Variants in METTL15 observed in about 807,000 individuals in gnomAD.
METTL15 encodes the protein 12S rRNA N(4)-cytidine methyltransferase METTL15.
METTL15 carries 34 observed loss-of-function variants against 38.3 expected under a neutral mutation model. The observed-to-expected ratio is 0.89, with a 90% confidence interval of 0.68 to 1.18. The LOEUF is 1.18. Among genes scored for constraint, METTL15 ranks in the 50% most tolerant of loss-of-function variants. The pLI is 0.00. For synonymous variants in METTL15, 162 were observed against 170.9 expected (o/e 0.95, Z 0.41); for missense variants, 438 against 498.4 (o/e 0.88, Z 1.15).
intron 5 of METTL15, among the ~76,000 whole-genome samples, chr11:28,370,223 T>C (rs996411404): frequency 1.3e-5 from 2 of 151,990 alleles, no homozygotes; most frequent in Admixed American, 1.3e-4. Flanking sequence ...CCATCTCCCC[T>C]ACCTTTCTTG....
intron 3 of METTL15, chr11:28,123,732 T>C: frequency 7.9e-6 from 4 of 504,836 alleles, no homozygotes; most frequent in Non-Finnish European, 1.4e-5. Flanking sequence ...AATTACATGC[T>C]AATTTAGGCA....
At chr11:28,518,137 C>T (rs1315230389) in intron 6 of METTL15, among the ~76,000 whole-genome samples, 1 of 152,050 alleles carries the variant, frequency 6.6e-6, no homozygotes, top group East Asian at 1.9e-4. Flanking sequence ...AAAATGAAAG[C>T]CAAAATCACT....
In METTL15 at chr11:28,331,604, T is replaced by A. The variant is rs1206985290; in HGVS notation, c.*763T>A. On this transcript the variant is annotated 3_prime_UTR_variant, in exon 7 of 7. Transcript: ENST00000407364. ...ATCTTGTATTTTTTAATTGAGCTAATCAAAATAATTCAGCCAAGTCTATTT... is the reference window on the plus strand; with the variant it reads ...ATCTTGTATTTTTTAATTGAGCTAAACAAAATAATTCAGCCAAGTCTATTT... 1 of 151,386 alleles carries A rather than the reference T, an allele frequency of 6.6e-6. No individual in the cohort carries two copies. The highest frequency in any genetic ancestry group is 2.4e-5 in the African/African-American group (1 of 41,324). The allele number at this position is 151,386 out of a possible 1,614,324, so 9.4% of individuals were successfully genotyped here.
chr11:28,381,596 C>A (rs979382013), intron 5 of METTL15, among the ~76,000 whole-genome samples: 118 of 151,982 alleles, frequency 7.8e-4, no homozygotes, highest in African/African-American at 2.8e-3. Context: ...TATAGGCTGT[C>A]TTTGAGCTCA....
chr11:28,294,747 A>G (rs1044336532), intron 5 of METTL15, among the ~76,000 whole-genome samples: 7 of 152,164 alleles, frequency 4.6e-5, no homozygotes, highest in Non-Finnish European at 7.4e-5. Context: ...GCTGTCTAGC[A>G]GCCTGCCAAA....
At chr11:28,514,901 A>G (rs1851706727) in intron 6 of METTL15, among the ~76,000 whole-genome samples, 2 of 152,228 alleles carry the variant, frequency 1.3e-5, no homozygotes, top group Admixed American at 1.3e-4. Context: ...AGATCTCCAC[A>G]GAGGTTTGGC....
At chr11:28,118,667 G>T (rs1852077501) in intron 3 of METTL15, among the ~76,000 whole-genome samples, 1 of 152,150 alleles carries the variant, frequency 6.6e-6, no homozygotes, top group Non-Finnish European at 1.5e-5. Flanking sequence ...TGCCCCAGTA[G>T]TAGTGCTAAT....
intron 4 of METTL15, among the ~76,000 whole-genome samples, chr11:28,357,746 G>C (rs566300987): frequency 6.6e-6 from 1 of 152,164 alleles, no homozygotes; most frequent in South Asian, 2.1e-4. Context: ...CAAATTAGGA[G>C]TAAGTGGCTT....
intron 6 of METTL15, among the ~76,000 whole-genome samples, chr11:28,480,874 C>G (rs1271428712): frequency 3.3e-5 from 5 of 152,120 alleles, no homozygotes; most frequent in Non-Finnish European, 5.9e-5. Context: ...ACTCCTACTC[C>G]CCTGCTGCAT....
At chr11:28,359,436 C>A (rs776814301) in intron 4 of METTL15, among the ~76,000 whole-genome samples, 2 of 152,088 alleles carry the variant, frequency 1.3e-5, no homozygotes, top group East Asian at 1.9e-4. Flanking sequence ...TGGGTATATA[C>A]CTAGTAATGG....
intron 4 of METTL15, among the ~76,000 whole-genome samples, chr11:28,279,371 A>G (rs1028124340): frequency 6.6e-6 from 1 of 152,026 alleles, no homozygotes; most frequent in Non-Finnish European, 1.5e-5. Context: ...TCTTTTAATT[A>G]GAGTATTTAC....
In METTL15 at chr11:28,373,343, G is replaced by C. The variant is rs571920211; in HGVS notation, c.*358+11307G>C. On this transcript the variant is annotated intron_variant and NMD_transcript_variant, in intron 5 of 7. Transcript: ENST00000532947. ...TGGTGTGAGATGGTATCTCATTGTGGTTTTGATTTGCATTTCTCTGATGGC... is the reference window on the plus strand; with the variant it reads ...TGGTGTGAGATGGTATCTCATTGTGCTTTTGATTTGCATTTCTCTGATGGC... 4.8e-3 allele frequency among the ~76,000 whole-genome samples: 734 copies of C among 152,040 alleles called. 3 individuals are homozygous for C. Among genetic ancestry groups the C allele is most frequent in the Non-Finnish European group, 8.9e-3 (602 of 67,970 alleles).
chr11:28,180,008 C>G lies in METTL15; in HGVS notation c.271-31054C>G, dbSNP rs560256793. Among the ~76,000 whole-genome samples the G allele has an allele frequency of 1.2e-4, 18 of 151,658 alleles. No homozygotes were observed. The South Asian group carries it at 3.5e-3, about 30-fold the overall frequency. ...TTGATGAATGATGATATTAAGTACC[C>G]CTGAGAAACTCAAATGGTCTAAAGT... On this transcript the variant is annotated intron_variant, in intron 3 of 6. Coordinates refer to ENST00000407364, the MANE Select transcript of METTL15 (RefSeq NM_001113528.2).
chr11:28,279,472 A>G (rs1343736674), intron 4 of METTL15, among the ~76,000 whole-genome samples: 1 of 151,972 alleles, frequency 6.6e-6, no homozygotes, highest in Non-Finnish European at 1.5e-5. Flanking sequence ...AACCTATTCT[A>G]TGTTCCTTTT....
At chr11:28,144,926 T>A (rs1489511045) in intron 3 of METTL15, 2 of 184,680 alleles carry the variant, frequency 1.1e-5, no homozygotes, top group Non-Finnish European at 2.4e-5. Flanking sequence ...CAATGCTTAC[T>A]TATGATTGCT....
At chr11:28,216,547 AT>A (rs1463630002) in intron 4 of METTL15, among the ~76,000 whole-genome samples, 3 of 152,068 alleles carry the variant, frequency 2.0e-5, no homozygotes, top group African/African-American at 4.8e-5. Flanking sequence ...TATATACACA[AT>A]CTAGTAGTGA....
downstream of METTL15, among the ~76,000 whole-genome samples, chr11:28,530,223 G>C (rs375810034): frequency 1.1e-4 from 16 of 152,154 alleles, no homozygotes; most frequent in African/African-American, 3.9e-4. Flanking sequence ...GAGAGAGACA[G>C]AGAGAGAGAA....
intron 4 of METTL15, among the ~76,000 whole-genome samples, chr11:28,359,706 G>C (rs181794627): frequency 6.6e-6 from 1 of 152,036 alleles, no homozygotes; most frequent in Non-Finnish European, 1.5e-5. Context: ...ACACTTGTGC[G>C]TCTTTCTACA....
At chr11:28,210,614 C>G (rs1337310464) in intron 3 of METTL15, among the ~76,000 whole-genome samples, 2 of 151,966 alleles carry the variant, frequency 1.3e-5, no homozygotes, top group African/African-American at 4.8e-5. Context: ...TATTCTCTCT[C>G]TCTGTCTTTC....
Sources: gnomAD v4.1 joint callset for allele counts (sites outside exome capture counted in the v4.1 genomes callset) on GRCh38, gnomAD v4.1.1 for gene constraint, MANE v1.5 for transcripts, NCBI Gene and HGNC (gene_info 2026-07-23, HGNC 2026-07-21) for gene names.